The following PHACTR2 variants were observed in gnomAD, a reference collection of about 807,000 sequenced individuals.
The protein encoded by PHACTR2 is phosphatase and actin regulator 2.
PHACTR2 carries 30 observed loss-of-function variants against 76.0 expected under a neutral mutation model. That is an observed-to-expected ratio of 0.39 (90% confidence interval 0.30 to 0.54). The LOEUF is 0.54. PHACTR2 is among the 20% of genes least tolerant of loss of function. The pLI, the probability that PHACTR2 is intolerant of heterozygous loss-of-function variation, is 0.61. For synonymous variants in PHACTR2, 292 were observed against 292.5 expected (o/e 1.00, Z 0.02); for missense variants, 696 against 781.1 (o/e 0.89, Z 1.30).
At chr6:143,575,471 G>A (rs1185715947) in intron 1 of PHACTR2, among the ~76,000 whole-genome samples, 5 of 152,154 alleles carry the variant, frequency 3.3e-5, no homozygotes, top group African/African-American at 1.2e-4. Flanking sequence ...CAGTTTAGAG[G>A]ATGGCTTTCA....
Position 143,549,247 on chromosome 6 carries a change from G to A in PHACTR2, c.217+12040G>A, listed in dbSNP as rs1775051510. On this transcript the variant is annotated intron_variant, in intron 1 of 11. Coordinates refer to the PHACTR2 transcript ENST00000367584. This position sits in a 1 kb window ranked among gnomAD's most constrained non-coding sequence, Gnocchi z 4.2. ...GCCTCACATGGCAGATCAGGCCTAG[G>A]TCTCTTCCCAAATGGAACAATATGG... Among the ~76,000 whole-genome samples, 1 of 152,014 alleles carries A rather than the reference G, an allele frequency of 6.6e-6. No individual in the cohort carries two copies. The highest frequency in any genetic ancestry group is 2.4e-5 in the African/African-American group (1 of 41,414).
intron 1 of PHACTR2, among the ~76,000 whole-genome samples, chr6:143,559,947 G>A (rs1775241857): frequency 6.6e-6 from 1 of 151,810 alleles, no homozygotes; most frequent in Non-Finnish European, 1.5e-5. Flanking sequence ...CCAACCTCAG[G>A]TAATCCACCT....
chr6:143,541,835 T>G lies in PHACTR2; in HGVS notation c.217+4628T>G, dbSNP rs1781174475. 1.3e-5 allele frequency among the ~76,000 whole-genome samples: 2 copies of G among 152,220 alleles called. No individual in the cohort carries two copies. The highest frequency in any genetic ancestry group is 4.1e-4 in the South Asian group (2 of 4,830). On this transcript the variant is annotated intron_variant, in intron 1 of 11. Transcript: ENST00000367584. This position sits in a 1 kb window ranked among gnomAD's most constrained non-coding sequence, Gnocchi z 5.3. ...GGGGAAGCTTGTGCTTGCTTATCCC[T>G]TGCTGGTGCTTCTACTATGTTTCTT...
chr6:143,712,575 A>G (rs565217068), intron 2 of PHACTR2, among the ~76,000 whole-genome samples: 1 of 151,870 alleles, frequency 6.6e-6, no homozygotes, highest in East Asian at 1.9e-4. Context: ...ATTAATATAT[A>G]AATATTTAAC....
intron 2 of PHACTR2, among the ~76,000 whole-genome samples, chr6:143,744,895 T>G (rs1239133875): frequency 3.3e-5 from 5 of 152,174 alleles, no homozygotes; most frequent in Non-Finnish European, 7.3e-5. Context: ...TGTCAAAACA[T>G]CAATTAGCCC....
intron 12 of PHACTR2, among the ~76,000 whole-genome samples, chr6:143,815,198 T>C (rs1005965843): frequency 9.9e-5 from 15 of 152,266 alleles, no homozygotes; most frequent in African/African-American, 3.6e-4. Context: ...CTACCAGAGT[T>C]GAAAGCAAGG....
chr6:143,632,863 A>G (rs192873263), intron 1 of PHACTR2, among the ~76,000 whole-genome samples: 1 of 152,342 alleles, frequency 6.6e-6, no homozygotes, highest in Non-Finnish European at 1.5e-5. Flanking sequence ...TATGGTATAT[A>G]ACCTTTTCAG....
Position 143,824,786 on chromosome 6 carries a change from A to G in PHACTR2, c.*1097A>G, listed in dbSNP as rs1776501255. 6.6e-6 allele frequency: 1 copy of G among 152,536 alleles called. No individual in the cohort carries two copies. 9.4% of individuals were successfully genotyped at this position (152,536 alleles called of 1,614,324 possible). A position where few individuals can be genotyped will look rare whatever the true frequency, so the allele number is the denominator to read the frequency against. ...GTTGGATTGCTGCTATTTAAAAAAA[A>G]AAAAAGGACACAGATCAAAAAAACA... On this transcript the variant is annotated 3_prime_UTR_variant, in exon 13 of 13. Transcript: ENST00000440869. The surrounding 1 kb of genome is among the most constrained non-coding windows in gnomAD (Gnocchi z 6.3).
chr6:143,632,664 G>A (rs1170129942), intron 1 of PHACTR2, among the ~76,000 whole-genome samples: 4 of 152,112 alleles, frequency 2.6e-5, no homozygotes, highest in South Asian at 2.1e-4. Context: ...TTTTGACAAC[G>A]TATAATGACA....
intron 1 of PHACTR2, among the ~76,000 whole-genome samples, chr6:143,552,944 A>T (rs1256264993): frequency 1.3e-5 from 2 of 152,116 alleles, no homozygotes; most frequent in Non-Finnish European, 2.9e-5. Flanking sequence ...CAAACCAAAA[A>T]ACACATTGAA....
At position 143,751,066 on chromosome 6, in the gene PHACTR2, T is replaced by C. The variant is rs185469349; in HGVS notation, c.295+2001T>C. Among the ~76,000 whole-genome samples, 12 of 152,352 alleles carry C rather than the reference T, an allele frequency of 7.9e-5. No individual in the cohort carries two copies. The highest frequency in any genetic ancestry group is 2.6e-4 in the Admixed American group (4 of 15,302). On this transcript the variant is annotated intron_variant, in intron 3 of 12. Transcript: ENST00000440869. This position sits in a 1 kb window ranked among gnomAD's most constrained non-coding sequence, Gnocchi z 5.7. Reference sequence around the variant, plus strand: ...TCTGGAGAATTTCAGTCTGAGAGACTAGAAGCTGCTGTTCTTGGTAACAAC... The same window carrying C: ...TCTGGAGAATTTCAGTCTGAGAGACCAGAAGCTGCTGTTCTTGGTAACAAC...
At chr6:143,746,835 T>TAA (rs5880572) in intron 2 of PHACTR2, among the ~76,000 whole-genome samples, 2,229 of 143,712 alleles carry the variant, frequency 0.016, 21 homozygotes, top group Middle Eastern at 0.025. Context: ...ACACCCAGTT[T>TAA]AAAAAAAAAA....
Position 143,581,322 on chromosome 6 carries a change from C to T in PHACTR2, c.217+44115C>T, listed in dbSNP as rs185903204. On this transcript the variant is annotated intron_variant, in intron 1 of 11. Transcript: ENST00000367584. This position sits in a 1 kb window ranked among gnomAD's most constrained non-coding sequence, Gnocchi z 4.5. ...GTATCAAGTTATCCTCCTGACCGGGCGCAGTGGTTCATGCCTGTAATCCCA... is the reference window on the plus strand; with the variant it reads ...GTATCAAGTTATCCTCCTGACCGGGTGCAGTGGTTCATGCCTGTAATCCCA... Among the ~76,000 whole-genome samples, 15 of 152,236 alleles carry T rather than the reference C, an allele frequency of 9.9e-5. No homozygotes were observed. Among genetic ancestry groups the T allele is most frequent in the African/African-American group, 3.4e-4 (14 of 41,536 alleles).
chr6:143,773,840 T>C (rs1404220288), intron 7 of PHACTR2, among the ~76,000 whole-genome samples: 1 of 152,234 alleles, frequency 6.6e-6, no homozygotes, highest in Non-Finnish European at 1.5e-5. Context: ...GGTGTCCCAA[T>C]ATTTTTCAGA....
intron 1 of PHACTR2, among the ~76,000 whole-genome samples, chr6:143,572,203 C>T (rs1775453268): frequency 6.6e-6 from 1 of 152,184 alleles, no homozygotes; most frequent in African/African-American, 2.4e-5. Flanking sequence ...TAAATATCTT[C>T]TGCAGTTTAG....
In PHACTR2 at chr6:143,656,210, T is replaced by C. The variant is rs1158067017; in HGVS notation, c.13+47888T>C. ...TGCCCTGGGATATGGGGTCAGTCCA[T>C]TCCTGTCCAGACCAGGGACTTCCTC... On this transcript the variant is annotated intron_variant, in intron 1 of 11. Transcript: ENST00000305766. The surrounding 1 kb of genome is among the most constrained non-coding windows in gnomAD (Gnocchi z 5.3). 6.6e-6 allele frequency among the ~76,000 whole-genome samples: 1 copy of C among 152,192 alleles called. No homozygotes were observed. The highest frequency in any genetic ancestry group is 1.5e-5 in the Non-Finnish European group (1 of 68,042).
rs1775251028 is a variant in PHACTR2, at chr6:143,560,376, G to C, written c.217+23169G>C. 2.0e-5 allele frequency among the ~76,000 whole-genome samples: 3 copies of C among 152,136 alleles called. No individual in the cohort carries two copies. The South Asian group carries it at 6.2e-4, about 32-fold the overall frequency. ...TATTTGATTCTGTATCTTTAAATTAGTCTAATTCATCCATAATCCATGTGA... is the reference window on the plus strand; with the variant it reads ...TATTTGATTCTGTATCTTTAAATTACTCTAATTCATCCATAATCCATGTGA... On this transcript the variant is annotated intron_variant, in intron 1 of 11. Coordinates refer to the PHACTR2 transcript ENST00000367584.
Position 143,550,580 on chromosome 6 carries a change from G to C in PHACTR2, c.217+13373G>C, listed in dbSNP as rs1405870479. 6.6e-6 allele frequency among the ~76,000 whole-genome samples: 1 copy of C among 152,010 alleles called. No individual in the cohort carries two copies. The highest frequency in any genetic ancestry group is 1.5e-5 in the Non-Finnish European group (1 of 67,982). ...TTTGAAGGATCTAGAGAGAGAGCAT[G>C]GCTTTAGAACTTTTACCTACAAAAA... On this transcript the variant is annotated intron_variant, in intron 1 of 11. Transcript: ENST00000367584. This position sits in a 1 kb window ranked among gnomAD's most constrained non-coding sequence, Gnocchi z 4.8.
intron 1 of PHACTR2, among the ~76,000 whole-genome samples, chr6:143,657,481 G>A (rs1409577633): frequency 6.6e-6 from 1 of 151,990 alleles, no homozygotes; most frequent in Admixed American, 6.6e-5. Flanking sequence ...GTACTCTTTT[G>A]TGTCTGGTTT....
Sources: gnomAD v4.1 joint callset for allele counts (sites outside exome capture counted in the v4.1 genomes callset) on GRCh38, gnomAD v4.1.1 for gene constraint, Gnocchi (gnomAD v3.1) non-coding constraint, MANE v1.5 for transcripts, NCBI Gene and HGNC (gene_info 2026-07-23, HGNC 2026-07-21) for gene names.